Variants in CAST observed in about 807,000 individuals in gnomAD.
CAST encodes MIR583 host.
In CAST, 76 loss-of-function variants were observed where a neutral mutation model predicts 119.6. The observed-to-expected ratio is 0.64, with a 90% CI of 0.53 to 0.77. The LOEUF (loss-of-function observed/expected upper bound fraction) is 0.77. Among genes scored for constraint, CAST ranks in the 30% least tolerant of loss-of-function variants. CAST has a pLI of 0.00. For missense variants in CAST, 953 were observed against 946.5 expected, an observed-to-expected ratio of 1.01 and a Z score of -0.09; for synonymous variants, 319 against 331.6, an observed-to-expected ratio of 0.96 and a Z score of 0.41.
At chr5:96,232,076 A>G in the CAST span, among the ~76,000 whole-genome samples, 3 of 152,092 alleles carry the variant, frequency 2.0e-5, no homozygotes, top group Non-Finnish European at 4.4e-5. Flanking sequence ...ATAAATAACA[A>G]TAAACTTTTC....
At chr5:96,300,763 T>G in the CAST span, among the ~76,000 whole-genome samples, 1 of 151,810 alleles carries the variant, frequency 6.6e-6, no homozygotes, top group African/African-American at 2.4e-5. Context: ...TGTCTTCAAT[T>G]TTTTTCATTA....
the CAST span, among the ~76,000 whole-genome samples, chr5:96,243,413 C>T: frequency 3.4e-3 from 511 of 151,582 alleles, 2 homozygotes; most frequent in South Asian, 7.3e-3. Flanking sequence ...GGTTCCTAGA[C>T]TTTGTGGAGT....
the CAST span, among the ~76,000 whole-genome samples, chr5:96,298,578 G>A: frequency 7.2e-5 from 11 of 152,284 alleles, no homozygotes; most frequent in East Asian, 1.7e-3. Flanking sequence ...GGGAAGTTTA[G>A]CAATTATTAT....
intron 1 of CAST, among the ~76,000 whole-genome samples, chr5:96,551,486 G>A (rs150197924): frequency 0.041 from 6,259 of 152,140 alleles, 213 homozygotes; most frequent in African/African-American, 0.089. Context: ...AAAGACCATC[G>A]ACACTATGAA....
the CAST span, among the ~76,000 whole-genome samples, chr5:96,032,514 A>G: frequency 6.6e-6 from 1 of 152,134 alleles, no homozygotes; most frequent in African/African-American, 2.4e-5. Context: ...TTGTGGTACA[A>G]GAGAAAAAGT....
chr5:96,643,845 C>T (rs900306576), intron 1 of CAST, among the ~76,000 whole-genome samples: 1 of 152,242 alleles, frequency 6.6e-6, no homozygotes, highest in African/African-American at 2.4e-5. Context: ...TGTACTCCAG[C>T]CTGGCAACTG....
chr5:96,009,014 T>A, the CAST span, among the ~76,000 whole-genome samples: 1 of 152,274 alleles, frequency 6.6e-6, no homozygotes, highest in African/African-American at 2.4e-5. Context: ...TGTGATTATG[T>A]CCATGTGTGC....
intron 26 of CAST, among the ~76,000 whole-genome samples, chr5:96,765,783 G>A (rs1189730158): frequency 6.6e-6 from 1 of 151,172 alleles, no homozygotes; most frequent in Non-Finnish European, 1.5e-5. Context: ...GGTTTCTGAA[G>A]ATAATTATTT....
At chr5:96,655,167 C>T (rs10045215) in intron 1 of CAST, among the ~76,000 whole-genome samples, 34,655 of 151,842 alleles carry the variant, frequency 0.23, 4,729 homozygotes, top group African/African-American at 0.37. Flanking sequence ...AGATGTGGGG[C>T]AGAGTGATGA....
At chr5:96,335,342 C>T in the CAST span, among the ~76,000 whole-genome samples, 8 of 152,194 alleles carry the variant, frequency 5.3e-5, no homozygotes, top group African/African-American at 1.7e-4. Flanking sequence ...ATTCAGTGGA[C>T]ATTTTCCAAT....
At chr5:96,055,382 T>A in the CAST span, among the ~76,000 whole-genome samples, 1 of 152,198 alleles carries the variant, frequency 6.6e-6, no homozygotes, top group Non-Finnish European at 1.5e-5. Context: ...CTAGTTTATT[T>A]GTTAAATGCA....
At position 96,642,667 on chromosome 5, in the gene CAST, A is replaced by G. The variant is rs538903304; in HGVS notation, c.61-32872A>G. 8.3e-4 allele frequency among the ~76,000 whole-genome samples: 126 copies of G among 151,304 alleles called. 1 individual carries two copies. Among genetic ancestry groups the G allele is most frequent in the African/African-American group, 2.7e-3 (113 of 41,166 alleles). ...AGCAATTCTCGTGCTTCAGCCTCCC[A>G]GGTAGCTAGGATTACAGGCACCCGG... On this transcript the variant is annotated intron_variant, in intron 1 of 11. Transcript: ENST00000505143.
At chr5:96,261,047 C>A in the CAST span, among the ~76,000 whole-genome samples, 3 of 152,176 alleles carry the variant, frequency 2.0e-5, no homozygotes, top group African/African-American at 7.2e-5. Flanking sequence ...TGAGCATCTT[C>A]TCTCTTTTTT....
chr5:96,050,432 AG>A, the CAST span, among the ~76,000 whole-genome samples: 1 of 151,488 alleles, frequency 6.6e-6, no homozygotes. Flanking sequence ...AAACCAGAAA[AG>A]GGGGGGTCAA....
rs536745205 is a variant in CAST at position 96,673,558 on chromosome 5, T to A, written c.76-1981T>A. 5.3e-5 allele frequency among the ~76,000 whole-genome samples: 8 copies of A among 152,300 alleles called. No homozygotes were observed. In the South Asian group the frequency reaches 1.7e-3, roughly 32 times the overall value. Reference sequence around the variant, plus strand: ...GCTGGTTATGATTGGCTGAGGCAATTTTTGTTTTGTTTTAAGTCATTTACA... The same window carrying A: ...GCTGGTTATGATTGGCTGAGGCAATATTTGTTTTGTTTTAAGTCATTTACA... On this transcript the variant is annotated intron_variant, in intron 1 of 31. Coordinates refer to ENST00000675179, the MANE Select transcript of CAST (RefSeq NM_001750.7).
At chr5:96,678,479 T>C (rs1750958585) in intron 2 of CAST, among the ~76,000 whole-genome samples, 1 of 152,080 alleles carries the variant, frequency 6.6e-6, no homozygotes, top group Non-Finnish European at 1.5e-5. Context: ...GAGGAGGACT[T>C]TGGGAGGGTA....
At chr5:96,411,101 G>C in the CAST span, 2 of 823,096 alleles carry the variant, frequency 2.4e-6, no homozygotes, top group Non-Finnish European at 4.2e-6. Context: ...AGCTATTTGG[G>C]ATCTATTTTC....
the CAST span, chr5:96,318,414 T>G: frequency 6.6e-6 from 1 of 152,254 alleles, no homozygotes; most frequent in Non-Finnish European, 1.5e-5. Context: ...TGGTGATAGC[T>G]CCACAAGTTT....
chr5:96,150,110 C>G, the CAST span, among the ~76,000 whole-genome samples: 2 of 152,190 alleles, frequency 1.3e-5, no homozygotes, highest in African/African-American at 4.8e-5. Flanking sequence ...AGGTCCCTAC[C>G]TCCTGGAGTT....
Sources: gnomAD v4.1 joint callset for allele counts (sites outside exome capture counted in the v4.1 genomes callset) on GRCh38, gnomAD v4.1.1 for gene constraint, MANE v1.5 for transcripts, NCBI Gene and HGNC (gene_info 2026-07-23, HGNC 2026-07-21) for gene names.